The following RIN2 variants were observed in gnomAD, a reference collection of about 807,000 sequenced individuals.
RIN2 encodes Ras and Rab interactor 2, also known as RAB5 interacting protein 2.
Under a neutral mutation model 78.0 loss-of-function variants are expected in RIN2, and 36 were observed. The ratio of observed to expected loss-of-function variants is 0.46; its 90% CI spans 0.35 to 0.61. The LOEUF is 0.61. Among genes scored for constraint, RIN2 ranks in the 20% least tolerant of loss-of-function variants. The pLI, the probability that RIN2 is intolerant of heterozygous loss-of-function variation, is 0.00. For synonymous variants in RIN2, 466 were observed against 466.8 expected (o/e 1.00, Z 0.02); for missense variants, 1,087 against 1,159.7 (o/e 0.94, Z 0.91).
chr20:19,945,579 C>T (rs1237703590), intron 4 of RIN2, among the ~76,000 whole-genome samples: 1 of 152,176 alleles, frequency 6.6e-6, no homozygotes, highest in African/African-American at 2.4e-5. Context: ...ATTTGGAGAC[C>T]TTGGATGGAG....
chr20:19,823,928 C>T (rs2036004060), intron 2 of RIN2: 15 of 1,561,606 alleles, frequency 9.6e-6, no homozygotes, highest in East Asian at 6.9e-5. Flanking sequence ...TCGTTCGGGT[C>T]GAACTTCGGC....
chr20:19,947,443 A>G (rs963982795), intron 4 of RIN2, among the ~76,000 whole-genome samples: 2 of 152,228 alleles, frequency 1.3e-5, no homozygotes, highest in Non-Finnish European at 2.9e-5. Flanking sequence ...ACTTAGTAGC[A>G]AAACTACAGT....
rs183878550 is a variant in RIN2, at chr20:19,864,677, G to A, written c.-36-24889G>A. On this transcript the variant is annotated intron_variant, in intron 2 of 12. Transcript: ENST00000255006. Reference sequence around the variant, plus strand: ...AGGCATCAGCAGGTGGGTAAAGCTAGTTCAAAGCAGGATGGGTACAAGAGA... The same window carrying A: ...AGGCATCAGCAGGTGGGTAAAGCTAATTCAAAGCAGGATGGGTACAAGAGA... Among the ~76,000 whole-genome samples, 10 of 152,326 alleles carry A rather than the reference G, an allele frequency of 6.6e-5. 1 individual carries two copies. Among genetic ancestry groups the A allele is most frequent in the Admixed American group, 2.0e-4 (3 of 15,294 alleles).
chr20:19,926,298 A>G (rs1373793886), intron 3 of RIN2, among the ~76,000 whole-genome samples: 1 of 152,192 alleles, frequency 6.6e-6, no homozygotes, highest in Non-Finnish European at 1.5e-5. Context: ...AATATCAAAA[A>G]TATAAATGCA....
chr20:19,774,375 G>A (rs2034238251), intron 1 of RIN2, among the ~76,000 whole-genome samples: 1 of 152,078 alleles, frequency 6.6e-6, no homozygotes, highest in Admixed American at 6.5e-5. Flanking sequence ...TGTGAACTGG[G>A]CACATAGTAT....
At chr20:19,840,581 C>A (rs1350823010) in intron 2 of RIN2, among the ~76,000 whole-genome samples, 1 of 152,248 alleles carries the variant, frequency 6.6e-6, no homozygotes, top group Admixed American at 6.5e-5. Flanking sequence ...AGGGTAAGTC[C>A]CCATGCCCCT....
intron 6 of RIN2, 43 bp downstream of exon 6, chr20:19,960,854 C>T (rs188608527): frequency 1.2e-5 from 15 of 1,256,436 alleles, no homozygotes; most frequent in African/African-American, 4.5e-5. Context: ...GACAGGGCCA[C>T]GGGGCTCTGC....
At chr20:19,839,472 CA>C (rs1030879176) in intron 2 of RIN2, among the ~76,000 whole-genome samples, 11 of 152,234 alleles carry the variant, frequency 7.2e-5, no homozygotes, top group Non-Finnish European at 1.5e-4. Flanking sequence ...CAGCCAAAGT[CA>C]CAAAACCACC....
At chr20:19,951,093 C>G (rs1381209034) in intron 4 of RIN2, among the ~76,000 whole-genome samples, 1 of 152,016 alleles carries the variant, frequency 6.6e-6, no homozygotes, top group Non-Finnish European at 1.5e-5. Flanking sequence ...TGGGTTTTGC[C>G]ATGTTGCCCG....
chr20:19,966,392 G>T (rs554396106), intron 7 of RIN2, among the ~76,000 whole-genome samples: 1 of 150,794 alleles, frequency 6.6e-6, no homozygotes, highest in Non-Finnish European at 1.5e-5. Flanking sequence ...GCGTGATCTC[G>T]GCTCACTGCA....
At chr20:19,960,883 G>A in intron 6 of RIN2, 72 bp downstream of exon 6, 1 of 948,584 alleles carries the variant, frequency 1.1e-6, no homozygotes, top group Non-Finnish European at 1.6e-6. Context: ...GAAATGGAAG[G>A]AGCTCTGGTT....
chr20:19,869,007 G>A (rs2037595304), intron 2 of RIN2, among the ~76,000 whole-genome samples: 2 of 143,176 alleles, frequency 1.4e-5, no homozygotes, highest in African/African-American at 2.6e-5. Context: ...GCTTGAACCG[G>A]GAGGTGGAGG....
chr20:19,796,726 G>T (rs143073189), intron 1 of RIN2, among the ~76,000 whole-genome samples: 51 of 152,290 alleles, frequency 3.3e-4, no homozygotes, highest in Middle Eastern at 3.4e-3. Context: ...TCTGGGCTTG[G>T]AGCTTGCTTA....
intron 2 of RIN2, among the ~76,000 whole-genome samples, chr20:19,800,761 A>C (rs1298990350): frequency 6.6e-6 from 1 of 152,238 alleles, no homozygotes; most frequent in Non-Finnish European, 1.5e-5. Context: ...CATGAGCAAA[A>C]TAAACATTGT....
intron 3 of RIN2, among the ~76,000 whole-genome samples, chr20:19,909,539 AGCCCCGGCACACACTCTG>A: frequency 6.6e-6 from 1 of 151,794 alleles, no homozygotes; most frequent in East Asian, 1.9e-4. Flanking sequence ...CTCTGTGTTG[AGCCCCGGCACACACTCTG>A]CACCCTACTC....
chr20:19,861,959 CTCACCCTCCATATCTGATGA>C (rs747834138), intron 2 of RIN2, among the ~76,000 whole-genome samples: 15,546 of 140,706 alleles, frequency 0.11, 2,171 homozygotes, highest in African/African-American at 0.32. Context: ...ATATTTGATG[CTCACCCTCCATATCTGATGA>C]TCACCCTCCA....
At chr20:19,852,474 A>G (rs1286651506) in intron 2 of RIN2, among the ~76,000 whole-genome samples, 1 of 152,222 alleles carries the variant, frequency 6.6e-6, no homozygotes, top group Admixed American at 6.5e-5. Flanking sequence ...ACATCAAGTC[A>G]TAATTCCAGC....
chr20:19,964,407 C>T (rs1477758697), intron 6 of RIN2, among the ~76,000 whole-genome samples: 2 of 152,182 alleles, frequency 1.3e-5, no homozygotes, highest in African/African-American at 2.4e-5. Flanking sequence ...CCATGCCCGG[C>T]CAGTTTTGGA....
At chr20:19,889,831 G>T (rs963333211) in intron 3 of RIN2, among the ~76,000 whole-genome samples, 173 bp downstream of exon 3, 1 of 152,154 alleles carries the variant, frequency 6.6e-6, no homozygotes, top group Non-Finnish European at 1.5e-5. Flanking sequence ...CAGGTTGCGG[G>T]GTCTGTGATT....
Sources: gnomAD v4.1 joint callset for allele counts (sites outside exome capture counted in the v4.1 genomes callset) on GRCh38, gnomAD v4.1.1 for gene constraint, MANE v1.5 for transcripts, NCBI Gene and HGNC (gene_info 2026-07-23, HGNC 2026-07-21) for gene names.